The following PDE4B variants were observed in gnomAD, a reference collection of about 807,000 sequenced individuals.
PDE4B encodes the protein phosphodiesterase 4B.
A neutral mutation model predicts 82.2 loss-of-function variants in PDE4B; 20 were observed. The observed-to-expected ratio is 0.24, with a 90% CI of 0.17 to 0.35. The LOEUF (loss-of-function observed/expected upper bound fraction) is 0.35, where lower values mean the gene tolerates loss of function less well. PDE4B is among the 10% of genes least tolerant of loss of function. The pLI, the probability that PDE4B is intolerant of heterozygous loss-of-function variation, is 1.00. For synonymous variants in PDE4B, 320 were observed against 318.9 expected, an observed-to-expected ratio of 1.00 and a Z score of -0.04; for missense variants, 655 against 907.2, an observed-to-expected ratio of 0.72 and a Z score of 3.57.
chr1:65,823,183 G>T (rs1047181686), intron 1 of PDE4B, among the ~76,000 whole-genome samples: 18 of 151,892 alleles, frequency 1.2e-4, no homozygotes, highest in Non-Finnish European at 1.5e-4. Flanking sequence ...GGATCGCAAG[G>T]TCAGGAGTTC....
intron 1 of PDE4B, among the ~76,000 whole-genome samples, chr1:65,827,064 C>T (rs1004413325): frequency 6.6e-6 from 1 of 151,488 alleles, no homozygotes; most frequent in African/African-American, 2.4e-5. Flanking sequence ...TTCTGAAATT[C>T]ACTGCGTGTA....
chr1:66,138,810 GT>G (rs1557588477), intron 3 of PDE4B, among the ~76,000 whole-genome samples: 1 of 152,164 alleles, frequency 6.6e-6, no homozygotes, highest in Admixed American at 6.5e-5. Flanking sequence ...TCTTTCAAGT[GT>G]TTTCCCTTAG....
intron 3 of PDE4B, among the ~76,000 whole-genome samples, chr1:65,921,687 TA>T (rs1553121336): frequency 1.3e-5 from 2 of 152,230 alleles, no homozygotes; most frequent in Non-Finnish European, 2.9e-5. Context: ...TGTGTTCCAA[TA>T]AAACTTTGTT....
In PDE4B at chr1:65,969,756, G is replaced by T. The variant is rs928364670; in HGVS notation, c.281+50921G>T. Among the ~76,000 whole-genome samples the T allele has an allele frequency of 2.0e-5, 3 of 152,016 alleles. No homozygotes were observed. In the East Asian group the frequency reaches 5.8e-4, roughly 29 times the overall value. ...TCAAAAGCATTAAAAAAGAAGAAAG[G>T]TTAGGTCATATAAATGGTATGATTA... On this transcript the variant is annotated intron_variant, in intron 3 of 16. Transcript: ENST00000341517.
chr1:66,079,917 A>C (rs916158944), intron 3 of PDE4B, among the ~76,000 whole-genome samples: 3 of 152,138 alleles, frequency 2.0e-5, no homozygotes, highest in African/African-American at 7.2e-5. Flanking sequence ...ACAAGCTTTA[A>C]TGAAAATAAT....
rs543619501 is a variant in PDE4B at position 66,215,963 on chromosome 1, A to G, written c.282-31497A>G. Among the ~76,000 whole-genome samples the G allele has an allele frequency of 3.3e-3, 507 of 152,234 alleles. 1 individual carries two copies. The highest frequency in any genetic ancestry group is 5.1e-3 in the Non-Finnish European group (350 of 68,014). ...TATGAGATTGGAGTTTTAAAGTGGC[A>G]TGGAATGTAGTTCCAAAACTGAAAG... On this transcript the variant is annotated intron_variant, in intron 3 of 16. Coordinates refer to ENST00000341517, the MANE Select transcript of PDE4B (RefSeq NM_002600.4).
chr1:65,809,639 G>A (rs570674879), intron 1 of PDE4B, among the ~76,000 whole-genome samples: 1 of 152,038 alleles, frequency 6.6e-6, no homozygotes, highest in African/African-American at 2.4e-5. Context: ...ATTTAAAGAG[G>A]CTTTAGCATT....
intron 3 of PDE4B, among the ~76,000 whole-genome samples, chr1:66,218,035 A>G (rs1426006625): frequency 1.3e-5 from 2 of 152,130 alleles, no homozygotes; most frequent in Non-Finnish European, 2.9e-5. Flanking sequence ...TTGATGGAGG[A>G]GAAATTGAAG....
At chr1:66,075,549 T>A (rs1320258510) in intron 3 of PDE4B, among the ~76,000 whole-genome samples, 3 of 152,086 alleles carry the variant, frequency 2.0e-5, no homozygotes, top group Non-Finnish European at 4.4e-5. Context: ...ACATGAGAAT[T>A]TCTAAAAATC....
At chr1:66,199,059 T>C (rs531209547) in intron 3 of PDE4B, among the ~76,000 whole-genome samples, 2,132 of 151,600 alleles carry the variant, frequency 0.014, 48 homozygotes, top group African/African-American at 0.049. Flanking sequence ...TGAATAATGC[T>C]GCAATAAACA....
At chr1:65,901,187 C>G (rs1466466831) in intron 1 of PDE4B, among the ~76,000 whole-genome samples, 1 of 151,890 alleles carries the variant, frequency 6.6e-6, no homozygotes, top group Admixed American at 6.6e-5. Context: ...TTATTTAAAG[C>G]TTTTTCTGCA....
intron 3 of PDE4B, among the ~76,000 whole-genome samples, chr1:66,059,401 C>G (rs987061459): frequency 2.0e-5 from 3 of 152,204 alleles, no homozygotes; most frequent in African/African-American, 7.2e-5. Context: ...CAGCAGCCCC[C>G]CACTCTACTG....
intron 8 of PDE4B, among the ~76,000 whole-genome samples, chr1:66,342,540 T>A: frequency 7.1e-6 from 1 of 140,932 alleles, no homozygotes; most frequent in Non-Finnish European, 1.5e-5. Flanking sequence ...TGAAATACTG[T>A]CTCTAATTAA....
At chr1:66,030,548 G>C (rs1297495846) in intron 3 of PDE4B, among the ~76,000 whole-genome samples, 1 of 152,074 alleles carries the variant, frequency 6.6e-6, no homozygotes, top group African/African-American at 2.4e-5. Context: ...ACTTTTTATT[G>C]TTCTGTTCAG....
intron 1 of PDE4B, among the ~76,000 whole-genome samples, chr1:65,854,557 G>T (rs1306201396): frequency 6.6e-6 from 1 of 151,486 alleles, no homozygotes. Flanking sequence ...TAAAGTCATG[G>T]CTCCAATGAC....
At chr1:65,827,644 A>G (rs1010822401) in intron 1 of PDE4B, among the ~76,000 whole-genome samples, 2 of 152,182 alleles carry the variant, frequency 1.3e-5, no homozygotes, top group Non-Finnish European at 2.9e-5. Flanking sequence ...AGCATCCAAG[A>G]GCTGAGACAT....
intron 1 of PDE4B, among the ~76,000 whole-genome samples, chr1:65,851,941 A>G (rs78043629): frequency 0.011 from 1,659 of 152,084 alleles, 40 homozygotes; most frequent in African/African-American, 0.038. Context: ...GTTTTAAAAT[A>G]TGTTTTAATC....
At chr1:66,109,097 T>C (rs1401498768) in intron 3 of PDE4B, among the ~76,000 whole-genome samples, 1 of 152,002 alleles carries the variant, frequency 6.6e-6, no homozygotes, top group African/African-American at 2.4e-5. Context: ...AGGTAATTAA[T>C]GCATTGTAAC....
rs967633563 is a variant in PDE4B, at chr1:65,844,975, T to A, written c.-71+51727T>A. 4.6e-5 allele frequency among the ~76,000 whole-genome samples: 7 copies of A among 152,312 alleles called. No individual in the cohort carries two copies. The Middle Eastern group carries it at 0.01, about 222-fold the overall frequency. ...GGTTGTAGTTTGACATATGAAGTGA[T>A]AACTGTATGCCTAGACAGTCCCAGC... On this transcript the variant is annotated intron_variant, in intron 1 of 16. Transcript: ENST00000341517.
Sources: gnomAD v4.1 joint callset for allele counts (sites outside exome capture counted in the v4.1 genomes callset) on GRCh38, gnomAD v4.1.1 for gene constraint, MANE v1.5 for transcripts, NCBI Gene and HGNC (gene_info 2026-07-23, HGNC 2026-07-21) for gene names.